ADAMTS16: variants seen among roughly 807,000 people sequenced by gnomAD.
The protein encoded by ADAMTS16 is ADAM metallopeptidase with thrombospondin type 1 motif 16, also known as A disintegrin and metalloproteinase with thrombospondin motifs 16.
ADAMTS16 carries 94 observed loss-of-function variants against 145.8 expected under a neutral mutation model. The observed-to-expected ratio is 0.64, with a 90% CI of 0.55 to 0.77. The LOEUF is 0.77. Among genes scored for constraint, ADAMTS16 ranks in the 30% least tolerant of loss-of-function variants. The probability of loss-of-function intolerance (pLI) is 0.00; values close to 1 mark genes in which losing one functional copy is unlikely to be tolerated. For missense variants in ADAMTS16, 1,585 were observed against 1,591.5 expected (o/e 1.00, Z 0.07); for synonymous variants, 659 against 604.3 (o/e 1.09, Z -1.33).
intron 10 of ADAMTS16, among the ~76,000 whole-genome samples, chr5:5,209,501 C>T (rs979540639): frequency 1.3e-5 from 2 of 152,062 alleles, no homozygotes; most frequent in African/African-American, 2.4e-5. Flanking sequence ...TCTGATTTAT[C>T]GTGTGGGAGC....
chr5:5,283,616 C>T (rs750962949), intron 18 of ADAMTS16, among the ~76,000 whole-genome samples: 16 of 152,132 alleles, frequency 1.1e-4, no homozygotes, highest in Non-Finnish European at 7.3e-5. Flanking sequence ...TGTAAACTCA[C>T]GAGACCCCAG....
chr5:5,157,016 A>G (rs1270339697), intron 3 of ADAMTS16, among the ~76,000 whole-genome samples: 2 of 152,094 alleles, frequency 1.3e-5, no homozygotes, highest in Non-Finnish European at 1.5e-5. Flanking sequence ...CCAGGCATGG[A>G]TCATTTTTAC....
At chr5:5,147,094 G>C (rs1820657) in intron 3 of ADAMTS16, among the ~76,000 whole-genome samples, 20,891 of 152,174 alleles carry the variant, frequency 0.14, 1,709 homozygotes, top group Middle Eastern at 0.22. Context: ...GCTTATGGCC[G>C]AGCTAAGAAT....
chr5:5,141,398 G>A (rs1385506370), intron 2 of ADAMTS16, among the ~76,000 whole-genome samples: 1 of 152,156 alleles, frequency 6.6e-6, no homozygotes, highest in African/African-American at 2.4e-5. Flanking sequence ...TTCAATGCAT[G>A]CTTTTACTTC....
chr5:5,162,350 G>A (rs767167425), intron 3 of ADAMTS16, among the ~76,000 whole-genome samples: 3 of 152,108 alleles, frequency 2.0e-5, no homozygotes, highest in Non-Finnish European at 4.4e-5. Context: ...TATCTAACCT[G>A]CCAAAAGTTG....
At chr5:5,174,775 G>C (rs888886070) in intron 3 of ADAMTS16, among the ~76,000 whole-genome samples, 1 of 152,258 alleles carries the variant, frequency 6.6e-6, no homozygotes, top group South Asian at 2.1e-4. Context: ...TTCAACTCCA[G>C]AATTTCTTCT....
At chr5:5,161,930 T>G (rs1039951298) in intron 3 of ADAMTS16, among the ~76,000 whole-genome samples, 5 of 152,208 alleles carry the variant, frequency 3.3e-5, no homozygotes, top group Non-Finnish European at 7.3e-5. Context: ...CTGTTCTTTT[T>G]CAACACACAT....
intron 8 of ADAMTS16, among the ~76,000 whole-genome samples, chr5:5,199,918 T>A (rs1274366337): frequency 6.6e-6 from 1 of 152,198 alleles, no homozygotes. Flanking sequence ...GTGTACACTT[T>A]GAGGCAATTT....
chr5:5,209,014 G>A (rs774799869), intron 9 of ADAMTS16, 79 bp from the exon 10 acceptor site: 14 of 1,469,484 alleles, frequency 9.5e-6, no homozygotes, highest in Non-Finnish European at 1.1e-5. Flanking sequence ...ATTACATGGG[G>A]GAGAAAGGCA....
At position 5,303,349 on chromosome 5, in the gene ADAMTS16, G is replaced by A; in HGVS notation, c.2871G>A (p.Arg957=). ...AQSRPVQCTR[R]VHYDSEPVPA... ...GCCGCCCCGTGCAGTGCACACGGCG[G>A]GTGCACTATGACTCGGAGCCAGTCC... Residue 957 remains arginine, a synonymous_variant, in exon 19 of 23, where the codon CGG becomes CGA. Transcript: ENST00000274181. 1 of 1,604,894 alleles carries A rather than the reference G, an allele frequency of 6.2e-7. No homozygotes were observed. Among genetic ancestry groups the A allele is most frequent in the Non-Finnish European group, 8.5e-7 (1 of 1,176,724 alleles).
intron 3 of ADAMTS16, among the ~76,000 whole-genome samples, chr5:5,164,927 T>C (rs1308185451): frequency 6.6e-6 from 1 of 152,172 alleles, no homozygotes; most frequent in East Asian, 1.9e-4. Context: ...CCACCCTCCT[T>C]GGCCTAGCTT....
intron 7 of ADAMTS16, among the ~76,000 whole-genome samples, chr5:5,190,739 C>T (rs1390630722): frequency 4.6e-5 from 7 of 152,030 alleles, no homozygotes; most frequent in African/African-American, 1.7e-4. Context: ...AGATAAAGCC[C>T]AATTTAATAG....
intron 10 of ADAMTS16, among the ~76,000 whole-genome samples, chr5:5,214,745 G>T (rs1353499267): frequency 6.6e-6 from 1 of 152,180 alleles, no homozygotes; most frequent in Non-Finnish European, 1.5e-5. Context: ...TGTGTGGCCA[G>T]TATCTCTCAG....
Position 5,235,142 on chromosome 5 carries a change from T to G in ADAMTS16, c.1979T>G (p.Phe660Cys). 5 of 1,594,180 alleles carry G rather than the reference T, an allele frequency of 3.1e-6. No individual in the cohort carries two copies. The highest frequency in any genetic ancestry group is 4.3e-6 in the Non-Finnish European group (5 of 1,163,834). The change falls in exon 13 of 23, where the codon TTC becomes TGC. Residue 660 changes from phenylalanine to cysteine, a missense_variant. Physicochemically the swap from Phe to Cys is radical, Grantham distance 205. Transcript: ENST00000274181. ...AQCAEHNSRR[F>C]RGRHYKWKPY... Reference sequence around the variant, plus strand: ...TGTGCCGAGCACAACAGCAGACGATTCAGAGGGCGGCACTACAAGTGGAAG... The same window carrying G: ...TGTGCCGAGCACAACAGCAGACGATGCAGAGGGCGGCACTACAAGTGGAAG...
At chr5:5,182,441 A>G (rs1418847540) in intron 4 of ADAMTS16, 136 bp downstream of exon 4, 11 of 1,147,720 alleles carry the variant, frequency 9.6e-6, no homozygotes, top group African/African-American at 3.1e-5. Context: ...AACTGAAGCA[A>G]TGATTCCAGA....
intron 11 of ADAMTS16, among the ~76,000 whole-genome samples, chr5:5,231,215 T>C (rs1194188424): frequency 1.3e-5 from 2 of 152,174 alleles, no homozygotes; most frequent in African/African-American, 2.4e-5. Flanking sequence ...GAAGAGATGA[T>C]GTTGTTTTGC....
chr5:5,169,968 T>C (rs530713251), intron 3 of ADAMTS16, among the ~76,000 whole-genome samples: 43 of 152,348 alleles, frequency 2.8e-4, no homozygotes, highest in Admixed American at 1.0e-3. Context: ...TTGATGGACA[T>C]TTAGACTGCT....
intron 17 of ADAMTS16, among the ~76,000 whole-genome samples, chr5:5,251,683 G>C (rs999975054): frequency 6.6e-6 from 1 of 152,170 alleles, no homozygotes; most frequent in Non-Finnish European, 1.5e-5. Context: ...CCAGGGGTAA[G>C]ATCACTGTTT....
intron 10 of ADAMTS16, among the ~76,000 whole-genome samples, chr5:5,221,374 T>C (rs1579320622): frequency 6.6e-6 from 1 of 152,116 alleles, no homozygotes; most frequent in Non-Finnish European, 1.5e-5. Flanking sequence ...GCAGTCTTCA[T>C]GGGAGCAGCC....
Sources: gnomAD v4.1 joint callset for allele counts (sites outside exome capture counted in the v4.1 genomes callset) on GRCh38, gnomAD v4.1.1 for gene constraint, MANE v1.5 for transcripts, NCBI Gene and HGNC (gene_info 2026-07-23, HGNC 2026-07-21) for gene names.